PCDHA8: variants seen among roughly 807,000 people sequenced by gnomAD.
The protein encoded by PCDHA8 is protocadherin alpha 8.
In PCDHA8, 53 loss-of-function variants were observed where a neutral mutation model predicts 61.8. The observed-to-expected ratio is 0.86, with a 90% CI of 0.69 to 1.08. The LOEUF (loss-of-function observed/expected upper bound fraction) is 1.08, where lower values mean the gene tolerates loss of function less well. PCDHA8 is among the 50% of genes least tolerant of loss of function. The pLI, the probability that PCDHA8 is intolerant of heterozygous loss-of-function variation, is 0.00. For missense variants in PCDHA8, 1,293 were observed against 1,245.0 expected, an observed-to-expected ratio of 1.04 and a Z score of -0.58; for synonymous variants, 618 against 556.6, an observed-to-expected ratio of 1.11 and a Z score of -1.55.
intron 1 of PCDHA8, among the ~76,000 whole-genome samples, chr5:140,959,469 A>G (rs1180811354): frequency 5.3e-5 from 8 of 152,226 alleles, no homozygotes; most frequent in East Asian, 1.9e-4. Context: ...GTTGGCATCA[A>G]TCAAGGCATA....
At position 140,981,034 on chromosome 5, in the gene PCDHA8, A is replaced by G. The variant is rs376817771; in HGVS notation, c.2454-1441A>G. ...ACTTGAAGGCTGTTAATATTTGGGGAAAAAAAACAGATAATTCTAGAGTGT... is the reference window on the plus strand; with the variant it reads ...ACTTGAAGGCTGTTAATATTTGGGGGAAAAAAACAGATAATTCTAGAGTGT... On this transcript the variant is annotated intron_variant, in intron 2 of 3. Transcript: ENST00000531613. Among the ~76,000 whole-genome samples, 183 of 149,642 alleles carry G rather than the reference A, an allele frequency of 1.2e-3. 1 individual carries two copies. Among genetic ancestry groups the G allele is most frequent in the African/African-American group, 4.1e-3 (163 of 39,298 alleles).
chr5:140,843,337 C>T lies in PCDHA8; in HGVS notation c.2016C>T (p.Ser672=). The T allele has an allele frequency of 2.5e-6, 4 of 1,596,000 alleles. No individual in the cohort carries two copies. The highest frequency in any genetic ancestry group is 8.6e-7 in the Non-Finnish European group (1 of 1,165,568). Residue 672 remains serine, a synonymous_variant, in exon 1 of 4, where the codon AGC becomes AGT. Transcript: ENST00000531613. ...CGGTTCTGGTGTCGCTGGTGGAGAGCGGCCAGGCTCCAAAAGCGTCATCGA... is the reference window on the plus strand; with the variant it reads ...CGGTTCTGGTGTCGCTGGTGGAGAGTGGCCAGGCTCCAAAAGCGTCATCGA... ...TATVLVSLVE[S]GQAPKASSRQ...
rs782441014 is a variant in PCDHA8 at position 140,870,020 on chromosome 5, C to T, written c.2394+26305C>T. On this transcript the variant is annotated intron_variant, in intron 1 of 3. Transcript: ENST00000531613. ...AATGGAGAAGTGAGGGTCAATGGAACTTTAGATTATGAAGAAAACAAGTTT... is the reference window on the plus strand; with the variant it reads ...AATGGAGAAGTGAGGGTCAATGGAATTTTAGATTATGAAGAAAACAAGTTT... The T allele has an allele frequency of 1.9e-6, 3 of 1,613,394 alleles. No individual in the cohort carries two copies. The highest frequency in any genetic ancestry group is 2.7e-5 in the African/African-American group (2 of 74,862).
In PCDHA8 at chr5:140,849,637, C is replaced by T. The variant is rs1581190048; in HGVS notation, c.2394+5922C>T. 3.8e-6 allele frequency: 6 copies of T among 1,598,688 alleles called. 1 individual carries two copies. Among genetic ancestry groups the T allele is most frequent in the Non-Finnish European group, 5.1e-6 (6 of 1,167,950 alleles). On this transcript the variant is annotated intron_variant, in intron 1 of 3. Transcript: ENST00000531613. ...AGTGTGATCGACCTAGACGCAGATG[C>T]CAACGGGCAGGTTACCTGCTCCCTG...
At chr5:140,898,573 T>C (rs1161265188) in intron 1 of PCDHA8, among the ~76,000 whole-genome samples, 3 of 152,250 alleles carry the variant, frequency 2.0e-5, no homozygotes, top group Non-Finnish European at 4.4e-5. Flanking sequence ...ACCAGTGCCA[T>C]GCTGTTTTGG....
chr5:140,970,423 G>A (rs2096404787), intron 1 of PCDHA8, among the ~76,000 whole-genome samples: 1 of 151,762 alleles, frequency 6.6e-6, no homozygotes, highest in Admixed American at 6.6e-5. Context: ...AAGGTGTAGA[G>A]GCAGGTGTTA....
intron 1 of PCDHA8, among the ~76,000 whole-genome samples, chr5:140,855,023 G>C (rs115040572): frequency 0.046 from 6,867 of 149,598 alleles, 637 homozygotes; most frequent in Middle Eastern, 0.088. Context: ...GAAACTTCTT[G>C]TATAAAGGAT....
chr5:140,897,455 T>C (rs1376435296), intron 1 of PCDHA8, among the ~76,000 whole-genome samples: 1 of 151,682 alleles, frequency 6.6e-6, no homozygotes, highest in Non-Finnish European at 1.5e-5. Flanking sequence ...TTTTTGTCCT[T>C]GCGATAGTTT....
In PCDHA8 at chr5:140,969,495, C is replaced by T. The variant is rs1205771172; in HGVS notation, c.2395-9454C>T. On this transcript the variant is annotated intron_variant, in intron 1 of 3. Transcript: ENST00000531613. The stretch of plus-strand genomic sequence containing the variant: ...TTGATCATAATCTGCTATTTCCTCT[C>T]TAGAAAAATAGCACTAAAGAATTGT... 10 of 1,437,770 alleles carry T rather than the reference C, an allele frequency of 7.0e-6. No homozygotes were observed. The African/African-American group carries it at 7.2e-5, about 10-fold the overall frequency. The allele number at this position is 1,437,770 out of a possible 1,614,324, so 89.1% of individuals were successfully genotyped here. A position where few individuals can be genotyped will look rare whatever the true frequency, so the allele number is the denominator to read the frequency against.
At position 140,999,690 on chromosome 5, in the gene PCDHA8, G is replaced by A. The variant is rs113599808; in HGVS notation, c.2543-9937G>A. Among the ~76,000 whole-genome samples the A allele has an allele frequency of 6.4e-3, 977 of 152,230 alleles. 14 individuals are homozygous for A. Among genetic ancestry groups the A allele is most frequent in the African/African-American group, 0.023 (950 of 41,554 alleles). Reference sequence around the variant, plus strand: ...CGGGGGGCTCACAGAAAGAAGAAATGTGATTTTTTTTTAGCTAACTACGGA... The same window carrying A: ...CGGGGGGCTCACAGAAAGAAGAAATATGATTTTTTTTTAGCTAACTACGGA... On this transcript the variant is annotated intron_variant, in intron 3 of 3. Coordinates refer to ENST00000531613, the MANE Select transcript of PCDHA8 (RefSeq NM_018911.3).
intron 1 of PCDHA8, among the ~76,000 whole-genome samples, chr5:140,924,152 C>A (rs1163487854): frequency 6.6e-6 from 1 of 152,176 alleles, no homozygotes. Flanking sequence ...TGAAGAAATG[C>A]ACATCCTAAT....
intron 1 of PCDHA8, chr5:140,871,184 A>G (rs2052793987): frequency 6.2e-7 from 1 of 1,613,434 alleles, no homozygotes; most frequent in African/African-American, 1.3e-5. Context: ...GCGCTGGTGG[A>G]TGTCAACGTG....
At chr5:140,902,895 T>C (rs1554190698) in intron 1 of PCDHA8, among the ~76,000 whole-genome samples, 1 of 152,222 alleles carries the variant, frequency 6.6e-6, no homozygotes, top group Non-Finnish European at 1.5e-5. Flanking sequence ...TATTATTTTA[T>C]TTAGTTTATG....
Position 140,928,590 on chromosome 5 carries a change from A to G in PCDHA8, c.2395-50359A>G, listed in dbSNP as rs78699363. The G allele has an allele frequency of 6.8e-4, 1,101 of 1,614,224 alleles. 1 individual carries two copies. Among genetic ancestry groups the G allele is most frequent in the Non-Finnish European group, 8.8e-4 (1,041 of 1,180,028 alleles). On this transcript the variant is annotated intron_variant, in intron 1 of 3. Coordinates refer to ENST00000531613, the MANE Select transcript of PCDHA8 (RefSeq NM_018911.3). ...CCTTGCCCAGAAATGGTTCTGTCCC[A>G]GTGGAAATTGTGCCCCGCTCTGCCA...
At chr5:140,916,539 A>G (rs114063131) in intron 1 of PCDHA8, among the ~76,000 whole-genome samples, 1,727 of 152,262 alleles carry the variant, frequency 0.011, 30 homozygotes, top group African/African-American at 0.038. Context: ...CACCAAGGCA[A>G]TGGGTTTTCT....
chr5:140,988,156 C>A (rs546335543), intron 3 of PCDHA8, among the ~76,000 whole-genome samples: 1 of 152,054 alleles, frequency 6.6e-6, no homozygotes, highest in Non-Finnish European at 1.5e-5. Flanking sequence ...CAACTTCTGC[C>A]GTTGTCATAG....
chr5:140,979,870 A>G (rs376036380), intron 2 of PCDHA8, among the ~76,000 whole-genome samples: 2 of 152,388 alleles, frequency 1.3e-5, no homozygotes, highest in South Asian at 2.1e-4. Context: ...TATCTGGGCA[A>G]CTATCAAGTG....
rs906170025 is a variant in PCDHA8 at position 140,935,893 on chromosome 5, T to C, written c.2395-43056T>C. Among the ~76,000 whole-genome samples, 23 of 129,968 alleles carry C rather than the reference T, an allele frequency of 1.8e-4. 1 individual carries two copies. In the Admixed American group the frequency reaches 1.8e-3, roughly 10 times the overall value. The allele number at this position is 129,968 out of a possible 152,430, so 85.3% of individuals were successfully genotyped here. A position where few individuals can be genotyped will look rare whatever the true frequency, so the allele number is the denominator to read the frequency against. ...AATGAGCTCCAATTTATCAATATTA[T>C]CTTTTTTTTTTTTTTTTGAGACAGA... On this transcript the variant is annotated intron_variant, in intron 1 of 3. Transcript: ENST00000531613.
intron 1 of PCDHA8, chr5:140,870,778 G>T: frequency 1.2e-6 from 2 of 1,613,620 alleles, no homozygotes; most frequent in South Asian, 1.1e-5. Context: ...GGACGAGAAC[G>T]ACAACGCGCC....
Sources: gnomAD v4.1 joint callset for allele counts (sites outside exome capture counted in the v4.1 genomes callset) on GRCh38, gnomAD v4.1.1 for gene constraint, MANE v1.5 for transcripts, NCBI Gene and HGNC (gene_info 2026-07-23, HGNC 2026-07-21) for gene names.